The following COL18A1 variants were observed in gnomAD, a reference collection of about 807,000 sequenced individuals.
The protein encoded by COL18A1 is collagen alpha-1(XVIII) chain.
In COL18A1, 133 loss-of-function variants were observed where a neutral mutation model predicts 168.0. That is an observed-to-expected ratio of 0.79 (90% CI 0.69 to 0.91). The LOEUF is 0.91. Ranked by LOEUF, COL18A1 falls within the 40% of genes least tolerant of loss-of-function variation. The probability of loss-of-function intolerance (pLI) is 0.00; values close to 1 mark genes in which losing one functional copy is unlikely to be tolerated. For missense variants in COL18A1, 2,126 were observed against 1,925.4 expected, an observed-to-expected ratio of 1.10 and a Z score of -1.95; for synonymous variants, 949 against 809.0, an observed-to-expected ratio of 1.17 and a Z score of -2.94.
chr21:45,454,668 G>A (rs1424832268), intron 2 of COL18A1, among the ~76,000 whole-genome samples: 2 of 152,232 alleles, frequency 1.3e-5, no homozygotes, highest in Non-Finnish European at 1.5e-5. Context: ...GTCCTCAGAG[G>A]GCATAAGGCA....
rs1377101228 is a variant in COL18A1 at position 45,437,070 on chromosome 21, G to C, written c.107-31172G>C. ...GGTTCTGCAGGTGAGGGTGTGTGCT[G>C]TTCACACCACAGCATCACACAGGCA... On this transcript the variant is annotated intron_variant, in intron 2 of 41. Transcript: ENST00000651438. 2.6e-5 allele frequency among the ~76,000 whole-genome samples: 4 copies of C among 151,866 alleles called. No homozygotes were observed. The East Asian group carries it at 7.7e-4, about 29-fold the overall frequency.
intron 32 of COL18A1, among the ~76,000 whole-genome samples, chr21:45,501,360 C>T (rs79731198): frequency 0.038 from 5,708 of 152,138 alleles, 260 homozygotes; most frequent in African/African-American, 0.11. Flanking sequence ...GCGTCACCTG[C>T]GAAGGTCTCC....
In COL18A1 at chr21:45,487,424, C is replaced by T. The variant is rs73370824; in HGVS notation, c.1834-23C>T. On this transcript the variant is annotated intron_variant, in intron 16 of 41. Coordinates refer to ENST00000651438, the MANE Select transcript of COL18A1 (RefSeq NM_001379500.1). ...CCCTAAGAAGGGACACAGGCCCCTACGTGTCTCGTGTGTCTCTTCCAGGAT... is the reference window on the plus strand; with the variant it reads ...CCCTAAGAAGGGACACAGGCCCCTATGTGTCTCGTGTGTCTCTTCCAGGAT... The T allele has an allele frequency of 9.3e-6, 15 of 1,611,412 alleles. No individual in the cohort carries two copies. The African/African-American group carries it at 1.1e-4, about 11-fold the overall frequency.
At chr21:45,456,805 G>C in intron 2 of COL18A1, 1 of 1,538,698 alleles carries the variant, frequency 6.5e-7, no homozygotes, top group Non-Finnish European at 8.8e-7. Context: ...GCCTGGGCGG[G>C]GGCCGGCTGC....
At chr21:45,434,551 G>C (rs1028178252) in intron 2 of COL18A1, among the ~76,000 whole-genome samples, 1 of 152,200 alleles carries the variant, frequency 6.6e-6, no homozygotes, top group Non-Finnish European at 1.5e-5. Context: ...AGCTTCAGAG[G>C]CTTGGCATGT....
At chr21:45,495,961 C>CAT (rs914110984) in intron 29 of COL18A1, 4 of 333,378 alleles carry the variant, frequency 1.2e-5, no homozygotes, top group African/African-American at 8.6e-5. Context: ...TGCACACATA[C>CAT]ATATACACAT....
rs780324551 is a variant in COL18A1, at chr21:45,496,514, C to T, written c.2523C>T (p.Pro841=). ...LGFGMRGMPG[P]PGPPGPPGPP... ...CCTCCCCACAGGGAATGCCCGGCCC[C>T]CCAGGACCTCCAGGGCCCCCAGGCC... Residue 841 remains proline, a synonymous_variant, in exon 30 of 42, where the codon CCC becomes CCT. Transcript: ENST00000651438. 3 of 1,492,364 alleles carry T rather than the reference C, an allele frequency of 2.0e-6. No homozygotes were observed. The highest frequency in any genetic ancestry group is 3.4e-4 in the Middle Eastern group (2 of 5,856). The allele number at this position is 1,492,364 out of a possible 1,614,324, so 92.4% of individuals were successfully genotyped here.
rs2146009153 is a variant in COL18A1, at chr21:45,496,510, GC to G, written c.2525del (p.Pro842GlnfsTer67). Reference sequence around the variant, plus strand: ...CTGCCCTCCCCACAGGGAATGCCCGGCCCCCCAGGACCTCCAGGGCCCCCAG... The same window carrying G: ...CTGCCCTCCCCACAGGGAATGCCCGGCCCCCAGGACCTCCAGGGCCCCCAG... ...SLGFGMRGMP[G>X]PPGPPGPPGP... On this transcript the variant is annotated frameshift_variant, in exon 30 of 42. Transcript: ENST00000651438. LOFTEE classifies it high-confidence loss of function. The G allele has an allele frequency of 8.9e-6, 13 of 1,464,948 alleles. No individual in the cohort carries two copies. The highest frequency in any genetic ancestry group is 1.2e-5 in the Non-Finnish European group (13 of 1,044,652). The allele number at this position is 1,464,948 out of a possible 1,614,324, so 90.7% of individuals were successfully genotyped here. A position where few individuals can be genotyped will look rare whatever the true frequency, so the allele number is the denominator to read the frequency against.
chr21:45,453,304 TGA>T (rs2047582548), intron 2 of COL18A1, among the ~76,000 whole-genome samples: 1 of 152,124 alleles, frequency 6.6e-6, no homozygotes, highest in Admixed American at 6.5e-5. Context: ...CTTGTGTATG[TGA>T]GTATTCACAT....
intron 26 of COL18A1, 173 bp downstream of exon 26, chr21:45,493,748 C>T (rs536739915): frequency 7.9e-5 from 48 of 609,654 alleles, no homozygotes; most frequent in African/African-American, 1.3e-4. Context: ...CCCATGTCGG[C>T]GGTTCCGCCG....
At chr21:45,485,125 G>A (rs994274590) in intron 15 of COL18A1, among the ~76,000 whole-genome samples, 5 of 144,412 alleles carry the variant, frequency 3.5e-5, no homozygotes, top group African/African-American at 1.3e-4. Flanking sequence ...TGGGACTACA[G>A]GCATCTGCCA....
chr21:45,429,519 A>G (rs7280672), intron 2 of COL18A1, among the ~76,000 whole-genome samples: 4,439 of 152,292 alleles, frequency 0.029, 234 homozygotes, highest in African/African-American at 0.1. Context: ...GCTCGGCTGC[A>G]TAGAACATGG....
rs1232213767 is a variant in COL18A1, at chr21:45,511,033, CACACA to C, written c.3694-77_3694-73del. On this transcript the variant is annotated intron_variant, in intron 40 of 41. Transcript: ENST00000651438. ...CCCCCACACATCCACACCCCACATC[CACACA>C]CCCCCCCACAAACACCCACACCCAT... 1.0e-4 allele frequency: 34 copies of C among 337,562 alleles called. 1 individual carries two copies. Among genetic ancestry groups the C allele is most frequent in the Middle Eastern group, 6.5e-4 (1 of 1,528 alleles). 20.9% of individuals were successfully genotyped at this position (337,562 alleles called of 1,614,324 possible). A position where few individuals can be genotyped will look rare whatever the true frequency, so the allele number is the denominator to read the frequency against.
intron 2 of COL18A1, among the ~76,000 whole-genome samples, chr21:45,410,990 C>T (rs1220649984): frequency 6.6e-6 from 1 of 152,248 alleles, no homozygotes; most frequent in Non-Finnish European, 1.5e-5. Context: ...CGAGAGAGAC[C>T]TTCCTTCCAT....
chr21:45,488,770 C>T (rs1025332552), intron 18 of COL18A1, among the ~76,000 whole-genome samples: 1 of 152,142 alleles, frequency 6.6e-6, no homozygotes, highest in African/African-American at 2.4e-5. Flanking sequence ...CTCAGGGTCC[C>T]CACCTCAGCC....
At position 45,502,024 on chromosome 21, in the gene COL18A1, A is replaced by C. The variant is rs1413525934; in HGVS notation, c.2684-1987A>C. Among the ~76,000 whole-genome samples, 261 of 55,588 alleles carry C rather than the reference A, an allele frequency of 4.7e-3. 39 individuals carry two copies. Among genetic ancestry groups the C allele is most frequent in the African/African-American group, 0.014 (183 of 12,864 alleles). 36.5% of individuals were successfully genotyped at this position (55,588 alleles called of 152,430 possible). On this transcript the variant is annotated intron_variant, in intron 32 of 41. Coordinates refer to ENST00000651438, the MANE Select transcript of COL18A1 (RefSeq NM_001379500.1). ...TCCACAGCCGGTCACCTCCCTCTGC[A>C]GAAGGACCCTCAGGGGCCTCCGCAG...
At chr21:45,455,811 C>T (rs2034781310) in intron 2 of COL18A1, 1 of 1,613,334 alleles carries the variant, frequency 6.2e-7, no homozygotes, top group African/African-American at 1.3e-5. Flanking sequence ...CAGGACACCC[C>T]CACTTCTGCC....
Position 45,509,477 on chromosome 21 carries a change from G to GC in COL18A1, c.3377dup (p.Arg1127SerfsTer121). 6 of 1,525,750 alleles carry GC rather than the reference G, an allele frequency of 3.9e-6. No individual in the cohort carries two copies. The highest frequency in any genetic ancestry group is 5.3e-6 in the Non-Finnish European group (6 of 1,133,972). The allele number at this position is 1,525,750 out of a possible 1,614,324, so 94.5% of individuals were successfully genotyped here. On this transcript the variant is annotated frameshift_variant, in exon 39 of 42. Coordinates refer to ENST00000651438, the MANE Select transcript of COL18A1 (RefSeq NM_001379500.1). LOFTEE classifies it high-confidence loss of function. Reference sequence around the variant, plus strand: ...TGGCGGGCAGATGACATCCTGGCCAGCCCCCCTCGCCTGCCCGAGCCCCAG... The same window carrying GC: ...TGGCGGGCAGATGACATCCTGGCCAGCCCCCCCTCGCCTGCCCGAGCCCCAG...
Position 45,473,811 on chromosome 21 carries a change from C to T in COL18A1, c.652-84C>T. 1 of 1,177,052 alleles carries T rather than the reference C, an allele frequency of 8.5e-7. No individual in the cohort carries two copies. The highest frequency in any genetic ancestry group is 1.3e-5 in the South Asian group (1 of 76,696). 72.9% of individuals were successfully genotyped at this position (1,177,052 alleles called of 1,614,324 possible). A position where few individuals can be genotyped will look rare whatever the true frequency, so the allele number is the denominator to read the frequency against. On this transcript the variant is annotated intron_variant, in intron 3 of 41. Transcript: ENST00000651438. The surrounding 1 kb of genome is among the most constrained non-coding windows in gnomAD (Gnocchi z 4.0). ...AGACTCTCCTGCCCTTTGTGGGCCCCCCGAAATCTGGAGCTCAAGCAGCAC... is the reference window on the plus strand; with the variant it reads ...AGACTCTCCTGCCCTTTGTGGGCCCTCCGAAATCTGGAGCTCAAGCAGCAC...
Sources: allele counts gnomAD v4.1 joint callset (sites outside exome capture counted in the v4.1 genomes callset), GRCh38; gene constraint gnomAD v4.1.1; non-coding constraint Gnocchi (gnomAD v3.1); transcripts MANE v1.5; gene names NCBI Gene and HGNC (gene_info 2026-07-23, HGNC 2026-07-21).